Variants in ACTR3C observed in about 807,000 individuals in gnomAD.
ACTR3C encodes actin related protein 3C, also known as actin-related protein 3C.
A neutral mutation model predicts 26.3 loss-of-function variants in ACTR3C; 18 were observed. The observed-to-expected ratio is 0.68, with a 90% CI of 0.47 to 1.01. The LOEUF is 1.01. Ranked by LOEUF, ACTR3C falls within the 50% of genes least tolerant of loss-of-function variation. ACTR3C has a pLI of 0.00. For synonymous variants in ACTR3C, 55 were observed against 94.5 expected, an observed-to-expected ratio of 0.58 and a Z score of 2.42; for missense variants, 184 against 250.7, an observed-to-expected ratio of 0.73 and a Z score of 1.80.
the ACTR3C span, among the ~76,000 whole-genome samples, chr7:150,039,432 G>GT: frequency 1.3e-5 from 1 of 74,594 alleles, no homozygotes; most frequent in African/African-American, 3.9e-5. Context: ...TGCCTCGCGG[G>GT]GGTGCCTCCC....
chr7:150,202,518 TA>T, the ACTR3C span, among the ~76,000 whole-genome samples: 2 of 151,992 alleles, frequency 1.3e-5, no homozygotes, highest in African/African-American at 2.4e-5. Context: ...TTTGCTAGAT[TA>T]AAAAAAACTC....
At chr7:149,943,152 G>A in the ACTR3C span, among the ~76,000 whole-genome samples, 27,310 of 139,906 alleles carry the variant, frequency 0.2, 4,461 homozygotes, top group African/African-American at 0.46. Context: ...AGTCACACCC[G>A]TTCATCTATG....
At chr7:150,245,423 T>C (rs1204023174), downstream of ACTR3C, 1 of 152,208 alleles carries the variant, frequency 6.6e-6, no homozygotes, top group Non-Finnish European at 1.5e-5. Context: ...GTCTCCACTT[T>C]GCTGCTCTGT....
chr7:150,023,796 T>C, the ACTR3C span, among the ~76,000 whole-genome samples: 2 of 146,458 alleles, frequency 1.4e-5, no homozygotes, highest in African/African-American at 5.0e-5. Flanking sequence ...GGAAAAGTAC[T>C]CATCCTTGAG....
chr7:150,123,045 T>C, the ACTR3C span, among the ~76,000 whole-genome samples: 25 of 148,718 alleles, frequency 1.7e-4, no homozygotes, highest in African/African-American at 4.8e-4. Flanking sequence ...TGAGAACAAA[T>C]GGACACAGTG....
At chr7:150,316,579 A>G (rs1229786067) in intron 1 of ACTR3C, among the ~76,000 whole-genome samples, 4 of 142,852 alleles carry the variant, frequency 2.8e-5, no homozygotes, top group African/African-American at 1.0e-4. Flanking sequence ...TCTGCCTCCC[A>G]GGTTCAAGCG....
At chr7:149,913,886 C>CT in the ACTR3C span, among the ~76,000 whole-genome samples, 369 of 118,970 alleles carry the variant, frequency 3.1e-3, 13 homozygotes, top group African/African-American at 0.012. Flanking sequence ...TCATATGTCC[C>CT]TTTTTTTTTT....
the ACTR3C span, among the ~76,000 whole-genome samples, chr7:149,986,751 G>A: frequency 2.0e-5 from 3 of 151,674 alleles, no homozygotes; most frequent in African/African-American, 4.9e-5. Context: ...AGCCACAGTT[G>A]ACAAATGTTA....
the ACTR3C span, among the ~76,000 whole-genome samples, chr7:150,230,936 C>A: frequency 6.6e-6 from 1 of 151,962 alleles, no homozygotes; most frequent in Non-Finnish European, 1.5e-5. Context: ...TTTTAAAGAA[C>A]AGCATTTCAT....
the ACTR3C span, among the ~76,000 whole-genome samples, chr7:149,889,781 C>T: frequency 6.6e-6 from 1 of 152,166 alleles, no homozygotes; most frequent in African/African-American, 2.4e-5. Flanking sequence ...TCAACTGAGT[C>T]CAGAGTCCGA....
the ACTR3C span, among the ~76,000 whole-genome samples, chr7:150,006,248 G>C: frequency 7.4e-6 from 1 of 134,876 alleles, no homozygotes; most frequent in Non-Finnish European, 1.6e-5. Context: ...CCAGGCTGGA[G>C]TGCAGTGGCG....
the ACTR3C span, among the ~76,000 whole-genome samples, chr7:150,025,289 T>C: frequency 2.0e-5 from 3 of 151,892 alleles, no homozygotes; most frequent in African/African-American, 7.3e-5. Flanking sequence ...TACCCTCTGG[T>C]GTCCACACTC....
At chr7:150,128,185 C>G in the ACTR3C span, among the ~76,000 whole-genome samples, 1 of 151,946 alleles carries the variant, frequency 6.6e-6, no homozygotes, top group East Asian at 1.9e-4. Flanking sequence ...TCCACGGGCA[C>G]TTCCCAACTG....
intron 1 of ACTR3C, among the ~76,000 whole-genome samples, chr7:150,320,139 T>C (rs2159235): frequency 0.25 from 38,748 of 152,144 alleles, 5,157 homozygotes; most frequent in East Asian, 0.42. Flanking sequence ...GAAAAGGGGT[T>C]TCACCCCAGA....
At chr7:150,185,925 T>A in the ACTR3C span, among the ~76,000 whole-genome samples, 2 of 152,188 alleles carry the variant, frequency 1.3e-5, no homozygotes, top group Admixed American at 1.3e-4. Context: ...TGCCCAATGC[T>A]GCAACTGCTC....
the ACTR3C span, among the ~76,000 whole-genome samples, chr7:150,159,361 C>G: frequency 3.9e-5 from 6 of 152,156 alleles, no homozygotes; most frequent in Admixed American, 3.3e-4. Context: ...ATCCCTCCCC[C>G]ACAGCTTCCA....
chr7:150,035,008 C>A, the ACTR3C span, among the ~76,000 whole-genome samples: 2 of 139,354 alleles, frequency 1.4e-5, no homozygotes, highest in Non-Finnish European at 1.5e-5. Flanking sequence ...GATGGGGGTC[C>A]TCAGAGCCAG....
chr7:150,317,376 G>T (rs1429312619), intron 1 of ACTR3C, among the ~76,000 whole-genome samples: 1 of 152,060 alleles, frequency 6.6e-6, no homozygotes, highest in Non-Finnish European at 1.5e-5. Flanking sequence ...TCTAACTGGT[G>T]GTTGTTTGCA....
the ACTR3C span, among the ~76,000 whole-genome samples, chr7:149,988,465 C>T: frequency 6.6e-6 from 1 of 152,226 alleles, no homozygotes; most frequent in East Asian, 1.9e-4. Context: ...TGGAGTGATA[C>T]TTTAGCACCA....
Sources: allele counts gnomAD v4.1 joint callset (sites outside exome capture counted in the v4.1 genomes callset), GRCh38; gene constraint gnomAD v4.1.1; transcripts MANE v1.5; gene names NCBI Gene and HGNC (gene_info 2026-07-23, HGNC 2026-07-21).